Variants in PXYLP1 observed in about 807,000 individuals in gnomAD.
The protein encoded by PXYLP1 is 2-phosphoxylose phosphatase 1.
In PXYLP1, 17 loss-of-function variants were observed where a neutral mutation model predicts 37.9. The observed-to-expected ratio is 0.45, with a 90% CI of 0.31 to 0.67. The LOEUF (loss-of-function observed/expected upper bound fraction) is 0.67. PXYLP1 is among the 30% of genes least tolerant of loss of function. The pLI is 0.07. For synonymous variants in PXYLP1, 221 were observed against 232.2 expected (o/e 0.95, Z 0.44); for missense variants, 511 against 612.0 (o/e 0.84, Z 1.74).
intron 2 of PXYLP1, chr3:141,273,799 G>C: frequency 1.0e-6 from 1 of 985,258 alleles, no homozygotes; most frequent in Non-Finnish European, 1.2e-6. Flanking sequence ...CCTCCTACTT[G>C]GTAATCACAC....
intron 2 of PXYLP1, among the ~76,000 whole-genome samples, chr3:141,275,796 T>TA (rs72152069): frequency 0.54 from 80,262 of 148,578 alleles, 23,012 homozygotes; most frequent in South Asian, 0.78. Flanking sequence ...ACGTTCACTG[T>TA]AAAAAAAAAA....
At chr3:141,273,069 AG>A in intron 2 of PXYLP1, 2 of 985,434 alleles carry the variant, frequency 2.0e-6, no homozygotes, top group Non-Finnish European at 2.4e-6. Flanking sequence ...CAGTGAGTGC[AG>A]GGGGCCCCGT....
intron 4 of PXYLP1, among the ~76,000 whole-genome samples, chr3:141,283,092 G>A (rs748178924): frequency 2.6e-5 from 4 of 151,664 alleles, no homozygotes; most frequent in South Asian, 4.1e-4. Flanking sequence ...TCAGCCTCCC[G>A]AGTAGCTGGG....
At chr3:141,244,600 G>A (rs1431494005) in intron 1 of PXYLP1, among the ~76,000 whole-genome samples, 1 of 146,150 alleles carries the variant, frequency 6.8e-6, no homozygotes, top group African/African-American at 2.6e-5. Flanking sequence ...CTAGTATGCT[G>A]CTACTTTTGT....
At chr3:141,253,249 T>A (rs1196501949) in intron 1 of PXYLP1, among the ~76,000 whole-genome samples, 1 of 152,182 alleles carries the variant, frequency 6.6e-6, no homozygotes, top group Non-Finnish European at 1.5e-5. Context: ...GGTAGAGGGC[T>A]GTGGGTGCTG....
intron 1 of PXYLP1, among the ~76,000 whole-genome samples, chr3:141,244,603 AC>A (rs1553750891): frequency 6.9e-6 from 1 of 144,004 alleles, no homozygotes; most frequent in Non-Finnish European, 1.5e-5. Flanking sequence ...GTATGCTGCT[AC>A]TTTTGTTTTC....
chr3:141,276,199 C>T (rs6772725), intron 2 of PXYLP1, among the ~76,000 whole-genome samples: 43,802 of 152,150 alleles, frequency 0.29, 8,340 homozygotes, highest in African/African-American at 0.55. Context: ...TAAGGGCCAT[C>T]TCTCAGTGCC....
rs922876910 is a variant in PXYLP1, at chr3:141,293,453, C to T, written c.*248C>T. 1 of 505,296 alleles carries T rather than the reference C, an allele frequency of 2.0e-6. No homozygotes were observed. 31.3% of individuals were successfully genotyped at this position (505,296 alleles called of 1,614,324 possible). ...GGTACTTTATCATAGCCAGACTTCG[C>T]TTAGAATGCCAGAATAATATAGTTC... On this transcript the variant is annotated 3_prime_UTR_variant, in exon 6 of 6. Coordinates refer to ENST00000286353, the MANE Select transcript of PXYLP1 (RefSeq NM_001037172.3).
rs1465787267 is a variant in PXYLP1, at chr3:141,238,754, AT to A, written c.-54+6847del. Reference sequence around the variant, plus strand: ...CTGATAATGCAGTCAGTTAACACATATTTTGTATGTTGTATGTATTATATGC... The same window carrying A: ...CTGATAATGCAGTCAGTTAACACATATTTGTATGTTGTATGTATTATATGC... On this transcript the variant is annotated intron_variant, in intron 1 of 5. Transcript: ENST00000286353. Among the ~76,000 whole-genome samples the A allele has an allele frequency of 6.6e-5, 10 of 152,278 alleles. No homozygotes were observed. The East Asian group carries it at 1.5e-3, about 23-fold the overall frequency.
Position 141,292,053 on chromosome 3 carries a change from G to A in PXYLP1, c.506-215G>A, listed in dbSNP as rs1054268711. Among the ~76,000 whole-genome samples the A allele has an allele frequency of 6.6e-6, 1 of 152,186 alleles. No homozygotes were observed. Among genetic ancestry groups the A allele is most frequent in the Admixed American group, 6.5e-5 (1 of 15,278 alleles). On this transcript the variant is annotated intron_variant, in intron 5 of 5. Coordinates refer to ENST00000286353, the MANE Select transcript of PXYLP1 (RefSeq NM_001037172.3). This position sits in a 1 kb window ranked among gnomAD's most constrained non-coding sequence, Gnocchi z 4.3. ...CAAAGGCCGTGGTTCTCAAGGCCAG[G>A]GCCCCGCTCTGCTCATCCTTCATGA...
chr3:141,272,235 C>G (rs951055633), intron 2 of PXYLP1, among the ~76,000 whole-genome samples: 5 of 152,166 alleles, frequency 3.3e-5, no homozygotes, highest in Non-Finnish European at 5.9e-5. Context: ...TCGGTTATAA[C>G]TTTATCTGCT....
chr3:141,282,483 AACACACACACACAC>A (rs3069374), intron 4 of PXYLP1, among the ~76,000 whole-genome samples: 10 of 147,646 alleles, frequency 6.8e-5, no homozygotes, highest in African/African-American at 2.2e-4. Context: ...AACCCAGACA[AACACACACACACAC>A]ACACACACAC....
intron 1 of PXYLP1, chr3:141,258,358 T>C (rs1030722362): frequency 6.6e-6 from 1 of 152,264 alleles, no homozygotes; most frequent in African/African-American, 2.4e-5. Context: ...TTAGGGATAG[T>C]GACTCATGGG....
At chr3:141,288,799 G>A (rs895726221) in intron 5 of PXYLP1, among the ~76,000 whole-genome samples, 8 of 152,180 alleles carry the variant, frequency 5.3e-5, no homozygotes, top group African/African-American at 1.7e-4. Context: ...AGGTGGCTGA[G>A]GCGGGAGGAC....
chr3:141,279,520 T>A lies in PXYLP1; in HGVS notation c.365+16T>A, dbSNP rs764973527. ...TGGCTAACAGGTAAATTGCACTTTTTCTAAAAGTCATTTTCAAGTGTCTGT... is the reference window on the plus strand; with the variant it reads ...TGGCTAACAGGTAAATTGCACTTTTACTAAAAGTCATTTTCAAGTGTCTGT... On this transcript the variant is annotated intron_variant, in intron 4 of 5. Transcript: ENST00000286353. 2 of 1,614,166 alleles carry A rather than the reference T, an allele frequency of 1.2e-6. No homozygotes were observed. Among genetic ancestry groups the A allele is most frequent in the Non-Finnish European group, 1.7e-6 (2 of 1,179,978 alleles).
chr3:141,278,317 C>T lies in PXYLP1; in HGVS notation c.80-25C>T, dbSNP rs1170012790. The T allele has an allele frequency of 3.7e-6, 6 of 1,613,478 alleles. No individual in the cohort carries two copies. In the Admixed American group the frequency reaches 6.7e-5, roughly 18 times the overall value. ...GCCTGGCGCCCCAGGAACTGTGCGT[C>T]ACAACCTGCCTTACTTCGTTTCAGT... On this transcript the variant is annotated intron_variant, in intron 2 of 5. Coordinates refer to ENST00000286353, the MANE Select transcript of PXYLP1 (RefSeq NM_001037172.3).
intron 4 of PXYLP1, among the ~76,000 whole-genome samples, chr3:141,284,435 T>A (rs1204813459): frequency 2.0e-5 from 3 of 152,212 alleles, no homozygotes; most frequent in Non-Finnish European, 4.4e-5. Context: ...TTTCAGGACC[T>A]CAGAAATAGG....
rs1395033510 is a variant in PXYLP1, at chr3:141,231,863, G to A, written c.-102G>A. The A allele has an allele frequency of 6.6e-6, 1 of 150,990 alleles. No individual in the cohort carries two copies. The highest frequency in any genetic ancestry group is 1.5e-5 in the Non-Finnish European group (1 of 67,640). The allele number at this position is 150,990 out of a possible 1,614,324, so 9.4% of individuals were successfully genotyped here. A position where few individuals can be genotyped will look rare whatever the true frequency, so the allele number is the denominator to read the frequency against. Reference sequence around the variant, plus strand: ...CCGGGAGGAGCTGGCGGCGAGCGCCGAGCCGGGCGCGCAGCGACGGAGCTG... The same window carrying A: ...CCGGGAGGAGCTGGCGGCGAGCGCCAAGCCGGGCGCGCAGCGACGGAGCTG... On this transcript the variant is annotated 5_prime_UTR_variant, in exon 1 of 6. Transcript: ENST00000286353. This position sits in a 1 kb window ranked among gnomAD's most constrained non-coding sequence, Gnocchi z 4.4.
intron 4 of PXYLP1, among the ~76,000 whole-genome samples, 164 bp from the exon 5 acceptor site, chr3:141,287,150 G>C (rs1942095799): frequency 6.6e-6 from 1 of 152,178 alleles, no homozygotes; most frequent in Admixed American, 6.5e-5. Context: ...CAGTGTCAGT[G>C]GTCGAGAAAT....
Sources: allele counts gnomAD v4.1 joint callset (sites outside exome capture counted in the v4.1 genomes callset), GRCh38; gene constraint gnomAD v4.1.1; non-coding constraint Gnocchi (gnomAD v3.1); transcripts MANE v1.5; gene names NCBI Gene and HGNC (gene_info 2026-07-23, HGNC 2026-07-21).